Variants in PPP2R5E observed in about 807,000 individuals in gnomAD.
PPP2R5E encodes serine/threonine-protein phosphatase 2A 56 kDa regulatory subunit epsilon isoform.
In PPP2R5E, 4 loss-of-function variants were observed where a neutral mutation model predicts 65.3. That is an observed-to-expected ratio of 0.06 (90% CI 0.03 to 0.14). PPP2R5E has a LOEUF of 0.14. Among genes scored for constraint, PPP2R5E ranks in the 10% least tolerant of loss-of-function variants. The pLI, the probability that PPP2R5E is intolerant of heterozygous loss-of-function variation, is 1.00. For missense variants in PPP2R5E, 274 were observed against 556.1 expected (o/e 0.49, Z 5.10); for synonymous variants, 183 against 187.4 (o/e 0.98, Z 0.19).
chr14:63,448,280 G>A (rs370243310), intron 3 of PPP2R5E, among the ~76,000 whole-genome samples: 4 of 152,200 alleles, frequency 2.6e-5, no homozygotes, highest in African/African-American at 9.6e-5. Flanking sequence ...CTGGGCGACA[G>A]AGCGGGACTC....
Position 63,484,359 on chromosome 14 carries a change from A to T in PPP2R5E, c.158-30474T>A, listed in dbSNP as rs982993296. On this transcript the variant is annotated intron_variant, in intron 2 of 13. Transcript: ENST00000337537. ...TTCTCTCTCTCTCTCACACACACAC[A>T]CACACACACACACACACACACACAC... is the stretch of plus-strand genomic sequence containing the variant. Among the ~76,000 whole-genome samples, 17 of 149,894 alleles carry T rather than the reference A, an allele frequency of 1.1e-4. No individual in the cohort carries two copies. The Middle Eastern group carries it at 0.01, about 91-fold the overall frequency.
chr14:63,438,576 G>A (rs1189081312), intron 3 of PPP2R5E, among the ~76,000 whole-genome samples: 2 of 152,164 alleles, frequency 1.3e-5, no homozygotes, highest in African/African-American at 4.8e-5. Context: ...GGTAGAGACA[G>A]GGGGAGTATA....
chr14:63,446,257 T>C (rs1484723994), intron 3 of PPP2R5E, among the ~76,000 whole-genome samples: 1 of 152,186 alleles, frequency 6.6e-6, no homozygotes, highest in East Asian at 1.9e-4. Flanking sequence ...GTCGAAGCTC[T>C]CAAGGTCATC....
At chr14:63,417,961 A>C (rs537682713) in intron 4 of PPP2R5E, among the ~76,000 whole-genome samples, 262 of 152,334 alleles carry the variant, frequency 1.7e-3, no homozygotes, top group Non-Finnish European at 3.1e-3. Flanking sequence ...CCACTGATTT[A>C]AATGTTTCTT....
At chr14:63,410,182 T>TA (rs1172802251) in intron 5 of PPP2R5E, among the ~76,000 whole-genome samples, 1 of 152,182 alleles carries the variant, frequency 6.6e-6, no homozygotes, top group African/African-American at 2.4e-5. Flanking sequence ...AAAGAAATTT[T>TA]AAGCTGAGAT....
Position 63,534,184 on chromosome 14 carries a change from CCTAA to C in PPP2R5E, c.157+5341_157+5344del, listed in dbSNP as rs1484892142. On this transcript the variant is annotated intron_variant, in intron 2 of 13. Coordinates refer to ENST00000337537, the MANE Select transcript of PPP2R5E (RefSeq NM_006246.5). The stretch of plus-strand genomic sequence containing the variant: ...ATTTGTGTGTGTGTTTGTGTGTTTG[CCTAA>C]CTGTTTAGTTTGACTGTCTTACTCA... 8.5e-5 allele frequency among the ~76,000 whole-genome samples: 13 copies of C among 152,220 alleles called. No individual in the cohort carries two copies. The East Asian group carries it at 2.3e-3, about 27-fold the overall frequency.
At position 63,409,942 on chromosome 14, in the gene PPP2R5E, C is replaced by T. The variant is rs568999196; in HGVS notation, c.549+5198G>A. ...TGCAGTTTCTTCTGACCCCAAAGTT[C>T]ACATTCTCAGCTCCTAAAATATACT... On this transcript the variant is annotated intron_variant, in intron 5 of 13. Transcript: ENST00000337537. Among the ~76,000 whole-genome samples the T allele has an allele frequency of 6.6e-5, 10 of 152,326 alleles. No homozygotes were observed. The East Asian group carries it at 1.9e-3, about 29-fold the overall frequency.
chr14:63,499,614 C>A (rs1026529211), intron 2 of PPP2R5E, among the ~76,000 whole-genome samples: 2 of 151,964 alleles, frequency 1.3e-5, no homozygotes, highest in Admixed American at 6.6e-5. Flanking sequence ...GTAATCACGG[C>A]TACTCGGGAG....
At chr14:63,457,978 C>T (rs1292670805) in intron 2 of PPP2R5E, among the ~76,000 whole-genome samples, 1 of 152,156 alleles carries the variant, frequency 6.6e-6, no homozygotes, top group Non-Finnish European at 1.5e-5. Context: ...TCATTCTCCC[C>T]CTTATGTCTT....
intron 2 of PPP2R5E, among the ~76,000 whole-genome samples, chr14:63,484,514 A>G (rs776579729): frequency 6.6e-6 from 1 of 152,186 alleles, no homozygotes; most frequent in Non-Finnish European, 1.5e-5. Context: ...ACACTGTGTC[A>G]AACACCCACA....
chr14:63,430,384 T>TGC (rs1421224419), intron 3 of PPP2R5E, among the ~76,000 whole-genome samples: 1 of 144,280 alleles, frequency 6.9e-6, no homozygotes, highest in African/African-American at 2.8e-5. Context: ...CATGCATACA[T>TGC]ACATACATAC....
At chr14:63,460,825 G>T (rs748548406) in intron 2 of PPP2R5E, among the ~76,000 whole-genome samples, 3 of 152,084 alleles carry the variant, frequency 2.0e-5, no homozygotes, top group Non-Finnish European at 4.4e-5. Context: ...ATGATTCAGG[G>T]CTTTCGTGTT....
intron 2 of PPP2R5E, among the ~76,000 whole-genome samples, chr14:63,481,832 G>A (rs546960495): frequency 2.0e-4 from 30 of 152,150 alleles, no homozygotes; most frequent in South Asian, 6.2e-4. Context: ...GAGGGTTATC[G>A]GTTAATAAGA....
At chr14:63,420,157 C>G (rs913715089) in intron 4 of PPP2R5E, among the ~76,000 whole-genome samples, 1 of 152,106 alleles carries the variant, frequency 6.6e-6, no homozygotes, top group Non-Finnish European at 1.5e-5. Context: ...TGTCTTCTTT[C>G]GAATACAGAG....
chr14:63,448,622 C>T (rs1032797548), intron 3 of PPP2R5E, among the ~76,000 whole-genome samples: 5 of 151,856 alleles, frequency 3.3e-5, no homozygotes, highest in African/African-American at 1.2e-4. Context: ...AACCCTGTCT[C>T]TACTAAAAAT....
chr14:63,516,519 C>A (rs1475654712), intron 2 of PPP2R5E, among the ~76,000 whole-genome samples: 1 of 152,226 alleles, frequency 6.6e-6, no homozygotes, highest in Non-Finnish European at 1.5e-5. Flanking sequence ...CACAAAACTC[C>A]TAGCAACTTC....
rs575029765 is a variant in PPP2R5E at position 63,442,108 on chromosome 14, C to T, written c.354+11581G>A. Among the ~76,000 whole-genome samples, 9 of 152,178 alleles carry T rather than the reference C, an allele frequency of 5.9e-5. No individual in the cohort carries two copies. In the East Asian group the frequency reaches 1.4e-3, roughly 23 times the overall value. Reference sequence around the variant, plus strand: ...AGTTTCCCTACCCTTTGAAAAATTACGAATGCTAACAAACTGTTCCTAACC... The same window carrying T: ...AGTTTCCCTACCCTTTGAAAAATTATGAATGCTAACAAACTGTTCCTAACC... On this transcript the variant is annotated intron_variant, in intron 3 of 13. Coordinates refer to ENST00000337537, the MANE Select transcript of PPP2R5E (RefSeq NM_006246.5).
At chr14:63,413,516 TAG>T (rs1886517713) in intron 5 of PPP2R5E, among the ~76,000 whole-genome samples, 1 of 152,192 alleles carries the variant, frequency 6.6e-6, no homozygotes, top group Non-Finnish European at 1.5e-5. Flanking sequence ...ATAATCTTTC[TAG>T]ACCTCAGTTT....
intron 5 of PPP2R5E, among the ~76,000 whole-genome samples, chr14:63,410,835 C>A (rs977515420): frequency 2.6e-5 from 4 of 152,170 alleles, no homozygotes; most frequent in African/African-American, 9.7e-5. Context: ...TCTGCCAATA[C>A]CCCTGCTTGC....
Sources: gnomAD v4.1 joint callset for allele counts (sites outside exome capture counted in the v4.1 genomes callset) on GRCh38, gnomAD v4.1.1 for gene constraint, MANE v1.5 for transcripts, NCBI Gene and HGNC (gene_info 2026-07-23, HGNC 2026-07-21) for gene names.